LRP1B: variants seen among roughly 807,000 people sequenced by gnomAD.
LRP1B encodes the protein low-density lipoprotein receptor-related protein 1B.
A neutral mutation model predicts 556.6 loss-of-function variants in LRP1B; 217 were observed. The observed-to-expected ratio is 0.39, with a 90% CI of 0.35 to 0.44. The LOEUF is 0.44. Ranked by LOEUF, LRP1B falls within the 20% of genes least tolerant of loss-of-function variation. The pLI is 1.00. For missense variants in LRP1B, 5,053 were observed against 5,620.8 expected (o/e 0.90, Z 3.23); for synonymous variants, 2,047 against 1,865.8 (o/e 1.10, Z -2.50).
intron 66 of LRP1B, among the ~76,000 whole-genome samples, chr2:140,416,862 C>T (rs1685225197): frequency 6.6e-6 from 1 of 152,118 alleles, no homozygotes; most frequent in Non-Finnish European, 1.5e-5. Flanking sequence ...ACACTGCACA[C>T]TTGTTTCAGT....
intron 86 of LRP1B, among the ~76,000 whole-genome samples, chr2:140,267,856 A>AT (rs1682281352): frequency 6.6e-6 from 1 of 151,574 alleles, no homozygotes; most frequent in Admixed American, 6.6e-5. Context: ...CAATTAACAT[A>AT]TTTTTTCCTG....
Position 141,140,517 on chromosome 2 carries a change from G to T in LRP1B, c.1013+47904C>A, listed in dbSNP as rs559705336. 2.9e-4 allele frequency among the ~76,000 whole-genome samples: 44 copies of T among 152,144 alleles called. 1 individual carries two copies. The highest frequency in any genetic ancestry group is 9.9e-4 in the African/African-American group (41 of 41,514). ...TATAGAAGTAATTAGGGTTAAATGA[G>T]GTCCTAAGGGTAGGGCTCTAATACA... is the stretch of plus-strand genomic sequence containing the variant. On this transcript the variant is annotated intron_variant, in intron 7 of 90. Transcript: ENST00000389484.
intron 37 of LRP1B, among the ~76,000 whole-genome samples, chr2:140,712,955 T>C (rs1687085937): frequency 6.6e-6 from 1 of 152,064 alleles, no homozygotes; most frequent in South Asian, 2.1e-4. Flanking sequence ...TTGTTCTTTT[T>C]TTTCTCTCTC....
intron 6 of LRP1B, among the ~76,000 whole-genome samples, chr2:141,220,450 G>C (rs999653072): frequency 1.2e-4 from 19 of 152,156 alleles, no homozygotes; most frequent in African/African-American, 4.6e-4. Flanking sequence ...GACTGATGCG[G>C]TACCTGAAAG....
chr2:141,176,379 C>G (rs1680735451), intron 7 of LRP1B, among the ~76,000 whole-genome samples: 1 of 151,904 alleles, frequency 6.6e-6, no homozygotes, highest in African/African-American at 2.4e-5. Context: ...GGAAGATTTC[C>G]CCTTTTCTGT....
chr2:140,954,319 C>G (rs1695809811), intron 18 of LRP1B, among the ~76,000 whole-genome samples: 1 of 152,110 alleles, frequency 6.6e-6, no homozygotes, highest in Non-Finnish European at 1.5e-5. Context: ...AGAATCAACT[C>G]AAGTTTTGGT....
In LRP1B at chr2:141,544,302, T is replaced by TTCTTCTTCTTCTTCTTCTTCTTCTTCTTC. The variant is rs1559130782; in HGVS notation, c.206-63798_206-63770dup. On this transcript the variant is annotated intron_variant, in intron 2 of 90. Coordinates refer to ENST00000389484, the MANE Select transcript of LRP1B (RefSeq NM_018557.3). Reference sequence around the variant, plus strand: ...TCTCTTAAGAAATTTACCACTCTTCTTCTTCTTCTTCTTCTTCTTCTTCTT... The same window carrying TTCTTCTTCTTCTTCTTCTTCTTCTTCTTC: ...TCTCTTAAGAAATTTACCACTCTTCTTCTTCTTCTTCTTCTTCTTCTTCTTCTTCTCTTCTTCTTCTTCTTCTTCTTCTT... 2.0e-3 allele frequency among the ~76,000 whole-genome samples: 7 copies of TTCTTCTTCTTCTTCTTCTTCTTCTTCTTC among 3,548 alleles called. 1 individual carries two copies. Among genetic ancestry groups the TTCTTCTTCTTCTTCTTCTTCTTCTTCTTC allele is most frequent in the Non-Finnish European group, 3.4e-3 (7 of 2,086 alleles). The allele number at this position is 3,548 out of a possible 152,430, so 2.3% of individuals were successfully genotyped here.
At chr2:142,048,451 T>A (rs1704332605) in intron 1 of LRP1B, among the ~76,000 whole-genome samples, 1 of 152,102 alleles carries the variant, frequency 6.6e-6, no homozygotes, top group South Asian at 2.1e-4. Flanking sequence ...CATCAAAAGT[T>A]ATTTTCTGAA....
intron 7 of LRP1B, among the ~76,000 whole-genome samples, chr2:141,185,943 G>A (rs956604016): frequency 1.3e-4 from 20 of 151,654 alleles, no homozygotes; most frequent in Non-Finnish European, 5.9e-5. Context: ...GCCAGGCTTG[G>A]TGGTAGGCAA....
intron 35 of LRP1B, among the ~76,000 whole-genome samples, chr2:140,766,525 A>T (rs1239033347): frequency 6.6e-6 from 1 of 151,916 alleles, no homozygotes; most frequent in Non-Finnish European, 1.5e-5. Context: ...GGTTTCAGTT[A>T]GTTCAGCCTA....
At chr2:141,383,983 G>C (rs1444166227) in intron 3 of LRP1B, among the ~76,000 whole-genome samples, 1 of 152,072 alleles carries the variant, frequency 6.6e-6, no homozygotes, top group Non-Finnish European at 1.5e-5. Flanking sequence ...AATATGCTGA[G>C]GGATGATCTT....
rs1279832668 is a variant in LRP1B at position 141,115,886 on chromosome 2, G to T, written c.1014-53613C>A. Among the ~76,000 whole-genome samples the T allele has an allele frequency of 4.6e-5, 7 of 152,088 alleles. No homozygotes were observed. In the East Asian group the frequency reaches 1.4e-3, roughly 29 times the overall value. On this transcript the variant is annotated intron_variant, in intron 7 of 90. Coordinates refer to ENST00000389484, the MANE Select transcript of LRP1B (RefSeq NM_018557.3). ...TGCTTTCACACACCCTAATTAAATG[G>T]GTTGATTCACAGTCTTCTTACATCC... is the stretch of plus-strand genomic sequence containing the variant.
Position 141,143,054 on chromosome 2 carries a change from G to A in LRP1B, c.1013+45367C>T, listed in dbSNP as rs562520346. On this transcript the variant is annotated intron_variant, in intron 7 of 90. Transcript: ENST00000389484. ...AACGATTCTCCTGCCTCAGCCTCCC[G>A]AGTAACTGGGATTACAGGCGCGTGC... is the stretch of plus-strand genomic sequence containing the variant. 6.1e-5 allele frequency among the ~76,000 whole-genome samples: 9 copies of A among 148,698 alleles called. No homozygotes were observed. The South Asian group carries it at 1.1e-3, about 18-fold the overall frequency.
At chr2:141,814,539 G>A (rs989796491) in intron 1 of LRP1B, among the ~76,000 whole-genome samples, 2 of 152,168 alleles carry the variant, frequency 1.3e-5, no homozygotes, top group African/African-American at 2.4e-5. Flanking sequence ...GGAAAAACAT[G>A]TTGGTTGAAT....
At chr2:140,813,827 T>C (rs767593426) in intron 31 of LRP1B, 21 bp from the exon 32 acceptor site, 1 of 1,560,518 alleles carries the variant, frequency 6.4e-7, no homozygotes, top group Non-Finnish European at 8.8e-7. Flanking sequence ...ATTTTACAAC[T>C]TAAACATAAT....
intron 5 of LRP1B, among the ~76,000 whole-genome samples, chr2:141,245,956 T>C (rs1344735230): frequency 6.6e-6 from 1 of 152,174 alleles, no homozygotes; most frequent in East Asian, 1.9e-4. Flanking sequence ...CTATATGTTC[T>C]AGGCAATGAT....
At chr2:141,530,960 T>C (rs1684851939) in intron 2 of LRP1B, among the ~76,000 whole-genome samples, 1 of 151,798 alleles carries the variant, frequency 6.6e-6, no homozygotes, top group Admixed American at 6.6e-5. Flanking sequence ...GTTTGGATTT[T>C]TTTTTTTTTC....
intron 1 of LRP1B, among the ~76,000 whole-genome samples, chr2:142,119,089 C>A (rs921758932): frequency 3.9e-5 from 6 of 152,108 alleles, no homozygotes; most frequent in Non-Finnish European, 8.8e-5. Context: ...TAGTTGAGAT[C>A]TTTTGCTTCA....
At chr2:142,015,523 G>A (rs926199162) in intron 1 of LRP1B, among the ~76,000 whole-genome samples, 1 of 152,088 alleles carries the variant, frequency 6.6e-6, no homozygotes. Context: ...TTGACAAATG[G>A]GATCTAATTA....
Sources: gnomAD v4.1 joint callset for allele counts (sites outside exome capture counted in the v4.1 genomes callset) on GRCh38, gnomAD v4.1.1 for gene constraint, MANE v1.5 for transcripts, NCBI Gene and HGNC (gene_info 2026-07-23, HGNC 2026-07-21) for gene names.